The following BMP7 variants were observed in gnomAD, a reference collection of about 807,000 sequenced individuals.
The protein encoded by BMP7 is bone morphogenetic protein 7, also known as osteogenic protein 1.
Under a neutral mutation model 41.2 loss-of-function variants are expected in BMP7, and 12 were observed. The observed-to-expected ratio is 0.29, with a 90% confidence interval of 0.19 to 0.47. The LOEUF (loss-of-function observed/expected upper bound fraction) is 0.47. Ranked by LOEUF, BMP7 falls within the 20% of genes least tolerant of loss-of-function variation. The probability of loss-of-function intolerance (pLI) is 0.99; values close to 1 mark genes in which losing one functional copy is unlikely to be tolerated. For missense variants in BMP7, 467 were observed against 606.0 expected (o/e 0.77, Z 2.41); for synonymous variants, 248 against 250.0 (o/e 0.99, Z 0.07).
intron 3 of BMP7, among the ~76,000 whole-genome samples, chr20:57,196,465 A>G (rs532923707): frequency 6.6e-6 from 1 of 152,312 alleles, no homozygotes; most frequent in East Asian, 1.9e-4. Flanking sequence ...TGCTTCGAAC[A>G]GTCCTTGCCT....
At chr20:57,200,489 G>GT (rs567022233) in intron 3 of BMP7, among the ~76,000 whole-genome samples, 1 of 152,218 alleles carries the variant, frequency 6.6e-6, no homozygotes, top group South Asian at 2.1e-4. Context: ...AGGACTGGTA[G>GT]TAAGAGGAGC....
chr20:57,222,157 G>A (rs374923477), intron 2 of BMP7, among the ~76,000 whole-genome samples: 49 of 152,252 alleles, frequency 3.2e-4, no homozygotes, highest in African/African-American at 1.2e-3. Flanking sequence ...GAAAATGTGG[G>A]CAACCTGCTG....
At chr20:57,208,055 T>C (rs1464391728) in intron 2 of BMP7, among the ~76,000 whole-genome samples, 1 of 151,862 alleles carries the variant, frequency 6.6e-6, no homozygotes, top group African/African-American at 2.4e-5. Context: ...GGTCTCGATC[T>C]CCTGACCTCA....
At chr20:57,219,774 G>T (rs1484934476) in intron 2 of BMP7, among the ~76,000 whole-genome samples, 2 of 152,132 alleles carry the variant, frequency 1.3e-5, no homozygotes, top group Non-Finnish European at 2.9e-5. Flanking sequence ...GCGCAGCACC[G>T]CTCCCTCACC....
chr20:57,182,865 T>G lies in BMP7; in HGVS notation c.958+857A>C, dbSNP rs553475550. Among the ~76,000 whole-genome samples, 16 of 152,382 alleles carry G rather than the reference T, an allele frequency of 1.0e-4. No homozygotes were observed. The South Asian group carries it at 3.3e-3, about 32-fold the overall frequency. Reference sequence around the variant, plus strand: ...TTTGCTTGCAATAAAAATATTATCTTTAATTTTTTTAAAACCTATCGTAAA... The same window carrying G: ...TTTGCTTGCAATAAAAATATTATCTGTAATTTTTTTAAAACCTATCGTAAA... On this transcript the variant is annotated intron_variant, in intron 4 of 6. Coordinates refer to ENST00000395863, the MANE Select transcript of BMP7 (RefSeq NM_001719.3).
rs564845680 is a variant in BMP7, at chr20:57,210,741, A to G, written c.612-8118T>C. Among the ~76,000 whole-genome samples, 336 of 152,318 alleles carry G rather than the reference A, an allele frequency of 2.2e-3. 3 individuals are homozygous for G. The highest frequency in any genetic ancestry group is 7.8e-3 in the African/African-American group (326 of 41,586). On this transcript the variant is annotated intron_variant, in intron 2 of 6. Coordinates refer to ENST00000395863, the MANE Select transcript of BMP7 (RefSeq NM_001719.3). ...TGTCTCGTTACCTGGGACAGTCCCC[A>G]TCCTGTCTGCGCCCACCATCGGGGC...
chr20:57,262,811 A>G (rs115666781), intron 1 of BMP7, among the ~76,000 whole-genome samples: 2,166 of 152,326 alleles, frequency 0.014, 46 homozygotes, highest in African/African-American at 0.05. Flanking sequence ...AAATTGTGAG[A>G]ATAAACTTGC....
rs994925763 is a variant in BMP7 at position 57,168,952 on chromosome 20, G to GT, written c.*2006_*2007insA. On this transcript the variant is annotated 3_prime_UTR_variant, in exon 7 of 7. Coordinates refer to ENST00000395863, the MANE Select transcript of BMP7 (RefSeq NM_001719.3). ...TCCTGAACGAGGGATTAAAGGGGGG[G>GT]GGGTGTTCAAAAGAGCTTTGGATGG... The GT allele has an allele frequency of 6.6e-6, 1 of 151,630 alleles. No homozygotes were observed. The highest frequency in any genetic ancestry group is 2.4e-5 in the African/African-American group (1 of 41,116). The allele number at this position is 151,630 out of a possible 1,614,324, so 9.4% of individuals were successfully genotyped here. A position where few individuals can be genotyped will look rare whatever the true frequency, so the allele number is the denominator to read the frequency against.
intron 5 of BMP7, chr20:57,173,635 T>G: frequency 2.4e-6 from 1 of 417,286 alleles, no homozygotes. Context: ...AAGACCCCAT[T>G]TCTAAAAAAA....
rs1984135029 is a variant in BMP7, at chr20:57,183,523, G to A, written c.958+199C>T. ...GTGTTATACGAATGTTTTGCTACTT[G>A]CATTTCTAAGCTAGTTTATTTTTAC... On this transcript the variant is annotated intron_variant, in intron 4 of 6. Coordinates refer to ENST00000395863, the MANE Select transcript of BMP7 (RefSeq NM_001719.3). Among the ~76,000 whole-genome samples, 3 of 152,164 alleles carry A rather than the reference G, an allele frequency of 2.0e-5. No homozygotes were observed. In the South Asian group the frequency reaches 6.2e-4, roughly 32 times the overall value.
At chr20:57,263,428 A>G (rs1481213637) in intron 1 of BMP7, among the ~76,000 whole-genome samples, 1 of 152,196 alleles carries the variant, frequency 6.6e-6, no homozygotes, top group Admixed American at 6.5e-5. Context: ...AGCCCGCACC[A>G]AAGTTCCCAG....
Position 57,183,938 on chromosome 20 carries a change from A to G in BMP7, c.761-19T>C. On this transcript the variant is annotated intron_variant, in intron 3 of 6. Coordinates refer to ENST00000395863, the MANE Select transcript of BMP7 (RefSeq NM_001719.3). The stretch of plus-strand genomic sequence containing the variant: ...CTCTGCCCTGGACAGGAAGCAGCCA[A>G]GTGCACAGAAGAGTAGTTACAGGAG... 6.2e-7 allele frequency: 1 copy of G among 1,611,758 alleles called. No individual in the cohort carries two copies. The highest frequency in any genetic ancestry group is 8.5e-7 in the Non-Finnish European group (1 of 1,179,844).
intron 1 of BMP7, among the ~76,000 whole-genome samples, chr20:57,242,228 G>A (rs1216687171): frequency 1.3e-5 from 2 of 152,198 alleles, no homozygotes; most frequent in African/African-American, 4.8e-5. Flanking sequence ...AGGAGGGGGT[G>A]CTCCTGGCAT....
At chr20:57,180,967 T>C (rs1033258725) in intron 4 of BMP7, among the ~76,000 whole-genome samples, 1 of 151,134 alleles carries the variant, frequency 6.6e-6, no homozygotes, top group Non-Finnish European at 1.5e-5. Flanking sequence ...AATTTGGGGG[T>C]GGGGCTGCTG....
intron 2 of BMP7, among the ~76,000 whole-genome samples, chr20:57,208,931 C>T (rs892767439): frequency 6.6e-6 from 1 of 152,224 alleles, no homozygotes; most frequent in South Asian, 2.1e-4. Flanking sequence ...CACCTGTAAT[C>T]CCAGCACTTT....
rs916356740 is a variant in BMP7 at position 57,249,096 on chromosome 20, C to T, written c.418+16609G>A. The stretch of plus-strand genomic sequence containing the variant: ...GATTACAGGCATGAGCCACCACGCC[C>T]GGCTGACTGCTGAACGAGTTCTAAA... On this transcript the variant is annotated intron_variant, in intron 1 of 6. Coordinates refer to ENST00000395863, the MANE Select transcript of BMP7 (RefSeq NM_001719.3). Among the ~76,000 whole-genome samples the T allele has an allele frequency of 9.9e-5, 15 of 152,066 alleles. No homozygotes were observed. In the East Asian group the frequency reaches 1.7e-3, roughly 18 times the overall value.
chr20:57,232,208 C>T (rs1020161628), intron 1 of BMP7, among the ~76,000 whole-genome samples: 9 of 152,170 alleles, frequency 5.9e-5, no homozygotes, highest in African/African-American at 2.2e-4. Flanking sequence ...GTTCCCCTCC[C>T]CCTGGAGATA....
rs1391413155 is a variant in BMP7, at chr20:57,183,798, C to T, written c.882G>A (p.Thr294=). Residue 294 remains threonine (T), a synonymous_variant, in exon 4 of 7, where the codon ACG becomes ACA. Coordinates refer to ENST00000395863, the MANE Select transcript of BMP7 (RefSeq NM_001719.3). ...GGTTCTGGCTGCGCTGTTTGCTCCCCGTGGACCGGATGCTGCGGAAGTGGA... is the reference window on the plus strand; with the variant it reads ...GGTTCTGGCTGCGCTGTTTGCTCCCTGTGGACCGGATGCTGCGGAAGTGGA... ...TEVHFRSIRS[T]GSKQRSQNRS... 25 of 1,614,082 alleles carry T rather than the reference C, an allele frequency of 1.5e-5. No individual in the cohort carries two copies. The highest frequency in any genetic ancestry group is 3.3e-5 in the Admixed American group (2 of 60,012).
intron 4 of BMP7, among the ~76,000 whole-genome samples, chr20:57,179,563 C>T (rs1984024741): frequency 6.6e-6 from 1 of 152,238 alleles, no homozygotes; most frequent in South Asian, 2.1e-4. Flanking sequence ...AAGCGAGCTC[C>T]GCGTGGGGTA....
Sources: gnomAD v4.1 joint callset for allele counts (sites outside exome capture counted in the v4.1 genomes callset) on GRCh38, gnomAD v4.1.1 for gene constraint, MANE v1.5 for transcripts, NCBI Gene and HGNC (gene_info 2026-07-23, HGNC 2026-07-21) for gene names.